The following ZFAND4 variants were observed in gnomAD, a reference collection of about 807,000 sequenced individuals.
ZFAND4 encodes the protein zinc finger AN1-type containing 4.
In ZFAND4, 43 loss-of-function variants were observed where a neutral mutation model predicts 64.4. That is an observed-to-expected ratio of 0.67 (90% CI 0.52 to 0.86). The LOEUF (loss-of-function observed/expected upper bound fraction) is 0.86. Ranked by LOEUF, ZFAND4 falls within the 40% of genes least tolerant of loss-of-function variation. The probability of loss-of-function intolerance (pLI) is 0.00; values close to 1 mark genes in which losing one functional copy is unlikely to be tolerated. For missense variants in ZFAND4, 929 were observed against 859.8 expected, an observed-to-expected ratio of 1.08 and a Z score of -1.01; for synonymous variants, 296 against 305.7, an observed-to-expected ratio of 0.97 and a Z score of 0.33.
chr10:45,666,980 G>T (rs1468642099), intron 1 of ZFAND4, among the ~76,000 whole-genome samples: 1 of 152,138 alleles, frequency 6.6e-6, no homozygotes, highest in Non-Finnish European at 1.5e-5. Flanking sequence ...TGGACTCCTT[G>T]AATTGCCATA....
chr10:45,665,631 G>A (rs570845473), intron 1 of ZFAND4, among the ~76,000 whole-genome samples: 5 of 152,186 alleles, frequency 3.3e-5, no homozygotes, highest in Non-Finnish European at 7.4e-5. Context: ...TTTTTATGAT[G>A]TACACAGAGT....
chr10:45,615,988 T>C lies in ZFAND4; in HGVS notation c.*448A>G, dbSNP rs952513196. On this transcript the variant is annotated 3_prime_UTR_variant, in exon 10 of 10. Transcript: ENST00000344646. ...AAAAAATCTCCACCCATCCCACCTC[T>C]GAAAAAAAAAGAAGGAGAAGAATAA... 1 of 151,158 alleles carries C rather than the reference T, an allele frequency of 6.6e-6. No homozygotes were observed. Among genetic ancestry groups the C allele is most frequent in the Non-Finnish European group, 1.5e-5 (1 of 67,826 alleles). 9.4% of individuals were successfully genotyped at this position (151,158 alleles called of 1,614,324 possible).
At chr10:45,617,550 C>T (rs919597454) in intron 9 of ZFAND4, among the ~76,000 whole-genome samples, 2 of 145,936 alleles carry the variant, frequency 1.4e-5, no homozygotes, top group African/African-American at 5.2e-5. Context: ...ATCGCTTGAG[C>T]CCAAGACATC....
intron 7 of ZFAND4, among the ~76,000 whole-genome samples, chr10:45,625,153 G>C (rs956379678): frequency 1.3e-5 from 2 of 150,722 alleles, no homozygotes; most frequent in African/African-American, 4.9e-5. Flanking sequence ...CTCCAGCCTG[G>C]GTGACAGAGT....
intron 2 of ZFAND4, among the ~76,000 whole-genome samples, chr10:45,657,417 A>AT (rs1307820979): frequency 6.6e-6 from 1 of 152,248 alleles, no homozygotes; most frequent in African/African-American, 2.4e-5. Context: ...AAGTAAAACT[A>AT]AAAGAACCCA....
In ZFAND4 at chr10:45,653,447, G is replaced by A. The variant is rs531762900; in HGVS notation, c.185-388C>T. Among the ~76,000 whole-genome samples, 21 of 152,188 alleles carry A rather than the reference G, an allele frequency of 1.4e-4. No individual in the cohort carries two copies. The South Asian group carries it at 3.9e-3, about 29-fold the overall frequency. Reference sequence around the variant, plus strand: ...CATCTGACAAAGATCTAATATCTACGATCTGTAAAGAACTTAATTCAACAA... The same window carrying A: ...CATCTGACAAAGATCTAATATCTACAATCTGTAAAGAACTTAATTCAACAA... On this transcript the variant is annotated intron_variant, in intron 2 of 9. Coordinates refer to ENST00000344646, the MANE Select transcript of ZFAND4 (RefSeq NM_174890.4).
chr10:45,626,135 C>G lies in ZFAND4; in HGVS notation c.1688G>C (p.Cys563Ser). 1 of 1,614,180 alleles carries G rather than the reference C, an allele frequency of 6.2e-7. No homozygotes were observed. Among genetic ancestry groups the G allele is most frequent in the East Asian group, 2.2e-5 (1 of 44,886 alleles). Residue 563 changes from cysteine (C) to serine (S), a missense_variant, in exon 7 of 10, where the codon TGT (cysteine) becomes TCT (serine). Physicochemically the swap from Cys to Ser is moderately radical, Grantham distance 112. Coordinates refer to ENST00000344646, the MANE Select transcript of ZFAND4 (RefSeq NM_174890.4). ...TNKASKEPVGCVNNISFLASL... is the reference protein window; with the variant it reads ...TNKASKEPVGSVNNISFLASL... ...GGCAAGAAAACTGATATTATTTACA[C>G]AACCAACAGGCTCTTTGGAAGCCTT... is the stretch of plus-strand genomic sequence containing the variant.
At chr10:45,618,321 T>C in intron 8 of ZFAND4, 61 bp from the exon 9 acceptor site, 1 of 1,580,536 alleles carries the variant, frequency 6.3e-7, no homozygotes, top group Non-Finnish European at 8.6e-7. Context: ...TGAAATATTA[T>C]TAAGCAAAAC....
chr10:45,639,662 T>C, intron 6 of ZFAND4, 154 bp downstream of exon 6: 1 of 882,070 alleles, frequency 1.1e-6, no homozygotes, highest in Admixed American at 3.5e-5. Flanking sequence ...AAAAATCCAA[T>C]TTATCCCTTT....
At chr10:45,667,832 G>GT (rs2048929807) in intron 1 of ZFAND4, among the ~76,000 whole-genome samples, 1 of 152,148 alleles carries the variant, frequency 6.6e-6, no homozygotes, top group Non-Finnish European at 1.5e-5. Flanking sequence ...AATAAAAGTG[G>GT]TGAGACTGGA....
intron 1 of ZFAND4, among the ~76,000 whole-genome samples, chr10:45,669,725 T>C (rs188756441): frequency 6.6e-6 from 1 of 152,262 alleles, no homozygotes; most frequent in African/African-American, 2.4e-5. Context: ...GCTGGTTCAA[T>C]ACAGGCAAAT....
chr10:45,640,381 G>C, intron 5 of ZFAND4: 1 of 1,265,310 alleles, frequency 7.9e-7, no homozygotes, highest in Non-Finnish European at 1.0e-6. Flanking sequence ...TTTGGCACGG[G>C]AGAGAAGTAC....
chr10:45,619,848 G>A (rs757256176), intron 8 of ZFAND4, among the ~76,000 whole-genome samples: 13 of 152,172 alleles, frequency 8.5e-5, no homozygotes, highest in Non-Finnish European at 1.9e-4. Flanking sequence ...AATGGTGCCT[G>A]GGTACCAACT....
intron 6 of ZFAND4, among the ~76,000 whole-genome samples, chr10:45,635,444 A>G (rs890360601): frequency 4.6e-5 from 7 of 152,154 alleles, no homozygotes; most frequent in Admixed American, 1.3e-4. Context: ...TCAATAAATA[A>G]TGTTGGGAAA....
intron 2 of ZFAND4, among the ~76,000 whole-genome samples, chr10:45,657,268 A>C (rs1363851308): frequency 6.6e-6 from 1 of 152,174 alleles, no homozygotes; most frequent in Non-Finnish European, 1.5e-5. Context: ...CACCTGGCTC[A>C]GCCTCTCAAC....
chr10:45,626,002 T>G lies in ZFAND4; in HGVS notation c.1821A>C (p.Glu607Asp), dbSNP rs1005021436. The change falls in exon 7 of 10, where the codon GAA becomes GAC. Residue 607 changes from glutamate (E) to aspartate (D), a missense_variant. By Grantham distance (45) the Glu-to-Asp change is conservative. Coordinates refer to ENST00000344646, the MANE Select transcript of ZFAND4 (RefSeq NM_174890.4). ...GLSTNLQHFQ[E>D]ENFRKSSPQL... is the part of the protein sequence containing the mutation. ...GGGGAGAACTTTTCCTAAAGTTTTC[T>G]TCCTGAAAATGCTGGAGGTTTGTAG... 1 of 1,614,080 alleles carries G rather than the reference T, an allele frequency of 6.2e-7. No individual in the cohort carries two copies. The highest frequency in any genetic ancestry group is 8.5e-7 in the Non-Finnish European group (1 of 1,180,048).
intron 6 of ZFAND4, among the ~76,000 whole-genome samples, chr10:45,630,308 G>A (rs1041984490): frequency 1.6e-4 from 25 of 152,184 alleles, no homozygotes; most frequent in African/African-American, 4.8e-4. Flanking sequence ...GTAATAGGAG[G>A]ATACGAAATG....
At chr10:45,640,440 A>G (rs2046911356) in intron 5 of ZFAND4, 5 of 1,237,634 alleles carry the variant, frequency 4.0e-6, no homozygotes, top group South Asian at 1.4e-5. Flanking sequence ...AAAAAAAAAA[A>G]AAGAATTCAT....
chr10:45,645,671 G>GT (rs1376346989), intron 5 of ZFAND4, among the ~76,000 whole-genome samples: 1 of 152,096 alleles, frequency 6.6e-6, no homozygotes, highest in East Asian at 1.9e-4. Context: ...TGAATTACAC[G>GT]TAACAGCAAG....
Sources: allele counts gnomAD v4.1 joint callset (sites outside exome capture counted in the v4.1 genomes callset), GRCh38; gene constraint gnomAD v4.1.1; transcripts MANE v1.5; gene names NCBI Gene and HGNC (gene_info 2026-07-23, HGNC 2026-07-21).